Variants in ADGRL3 observed in about 807,000 individuals in gnomAD.
ADGRL3 encodes calcium-independent alpha-latrotoxin receptor 3.
Under a neutral mutation model 153.5 loss-of-function variants are expected in ADGRL3, and 62 were observed. The observed-to-expected ratio is 0.40, with a 90% CI of 0.33 to 0.50. ADGRL3 has a LOEUF of 0.50. Ranked by LOEUF, ADGRL3 falls within the 20% of genes least tolerant of loss-of-function variation. The pLI, the probability that ADGRL3 is intolerant of heterozygous loss-of-function variation, is 0.47. For synonymous variants in ADGRL3, 710 were observed against 672.5 expected, an observed-to-expected ratio of 1.06 and a Z score of -0.86; for missense variants, 1,641 against 1,859.4, an observed-to-expected ratio of 0.88 and a Z score of 2.16.
chr4:61,842,199 T>C (rs955199418), intron 9 of ADGRL3, among the ~76,000 whole-genome samples: 15 of 152,236 alleles, frequency 9.9e-5, no homozygotes, highest in African/African-American at 3.4e-4. Context: ...TAGGTCAAAA[T>C]ATTATACACA....
chr4:61,448,019 C>A (rs1005577166), intron 2 of ADGRL3, among the ~76,000 whole-genome samples: 23 of 152,108 alleles, frequency 1.5e-4, no homozygotes, highest in Non-Finnish European at 2.9e-4. Context: ...ACATGTCCTG[C>A]CTAGAGCAGT....
chr4:61,455,561 A>G (rs1210628615), intron 2 of ADGRL3, among the ~76,000 whole-genome samples: 1 of 152,140 alleles, frequency 6.6e-6, no homozygotes, highest in Non-Finnish European at 1.5e-5. Context: ...TTCTGCTGGG[A>G]AGAAGTAGGC....
At chr4:62,030,537 A>C (rs1164937626) in intron 22 of ADGRL3, among the ~76,000 whole-genome samples, 1 of 151,580 alleles carries the variant, frequency 6.6e-6, no homozygotes, top group Admixed American at 6.6e-5. Context: ...ACTTAACCAC[A>C]AATATATGAA....
chr4:61,596,699 A>C (rs1262514926), intron 5 of ADGRL3, among the ~76,000 whole-genome samples: 1 of 152,102 alleles, frequency 6.6e-6, no homozygotes, highest in African/African-American at 2.4e-5. Context: ...CCAAAAATTA[A>C]ATTAAATAAG....
chr4:61,497,255 G>A lies in ADGRL3; in HGVS notation c.-39G>A, dbSNP rs750077514. 7.5e-5 allele frequency: 99 copies of A among 1,311,972 alleles called. No individual in the cohort carries two copies. In the South Asian group the frequency reaches 1.2e-3, roughly 16 times the overall value. 81.3% of individuals were successfully genotyped at this position (1,311,972 alleles called of 1,614,324 possible). The stretch of plus-strand genomic sequence containing the variant: ...ACGTATTTTGTTTCACATTTGAACA[G>A]TCATTCTTGAGGAATACTCCATACC... On this transcript the variant is annotated 5_prime_UTR_variant, in exon 3 of 27. Coordinates refer to ENST00000683033, the MANE Select transcript of ADGRL3 (RefSeq NM_001387552.1).
intron 2 of ADGRL3, among the ~76,000 whole-genome samples, chr4:61,389,852 A>G (rs981281567): frequency 1.1e-4 from 17 of 152,314 alleles, no homozygotes; most frequent in Non-Finnish European, 1.6e-4. Context: ...CTACATAAAG[A>G]TAAGTCTGGC....
rs185048826 is a variant in ADGRL3 at position 61,302,969 on chromosome 4, A to G, written c.-239-80155A>G. 4.2e-3 allele frequency among the ~76,000 whole-genome samples: 639 copies of G among 152,262 alleles called. 3 individuals carry two copies. Among genetic ancestry groups the G allele is most frequent in the African/African-American group, 0.015 (606 of 41,552 alleles). ...CTTCACCTCATCGGGCTTGGCTTCA[A>G]ATATATTAGGACTTTCCAAAAAAAT... On this transcript the variant is annotated intron_variant, in intron 1 of 26. Transcript: ENST00000683033.
intron 9 of ADGRL3, among the ~76,000 whole-genome samples, chr4:61,820,409 A>G (rs532362662): frequency 1.7e-4 from 26 of 152,176 alleles, no homozygotes; most frequent in Non-Finnish European, 3.5e-4. Context: ...ACAATACATT[A>G]CAAGGTAATT....
intron 6 of ADGRL3, among the ~76,000 whole-genome samples, chr4:61,726,071 C>A (rs2096330603): frequency 6.6e-6 from 1 of 152,030 alleles, no homozygotes; most frequent in Non-Finnish European, 1.5e-5. Flanking sequence ...TTCTTGGGAT[C>A]AGAAATGTTT....
intron 2 of ADGRL3, among the ~76,000 whole-genome samples, chr4:61,404,967 C>G (rs761233379): frequency 6.6e-6 from 1 of 151,936 alleles, no homozygotes; most frequent in South Asian, 2.1e-4. Flanking sequence ...TACATATAAA[C>G]AGGTGAGATA....
In ADGRL3 at chr4:61,200,501, G is replaced by GCGCCGCCGCCGCCGCCGCCGCCGCCGC. The variant is rs35918477; in HGVS notation, c.-1480_-1479insCGCCGCCGCCGCCGCCGCCGCCGCCGC. Among the ~76,000 whole-genome samples, 1 of 150,318 alleles carries GCGCCGCCGCCGCCGCCGCCGCCGCCGC rather than the reference G, an allele frequency of 6.7e-6. No homozygotes were observed. The highest frequency in any genetic ancestry group is 2.5e-5 in the African/African-American group (1 of 40,810). ...CAGATGCTGCAGCTGGTCGGGGTGG[G>GCGCCGCCGCCGCCGCCGCCGCCGCCGC]CGCCGCCGCCGCCGCCGCCGCCGCT... On this transcript the variant is annotated 5_prime_UTR_variant, in exon 1 of 27. Transcript: ENST00000683033.
At chr4:61,543,171 T>C (rs1044141734) in intron 4 of ADGRL3, among the ~76,000 whole-genome samples, 1 of 125,640 alleles carries the variant, frequency 8.0e-6, no homozygotes, top group African/African-American at 3.0e-5. Context: ...CCCAGAAATA[T>C]CCACATTTGA....
At chr4:62,046,062 C>G (rs142479999) in intron 25 of ADGRL3, among the ~76,000 whole-genome samples, 1 of 151,824 alleles carries the variant, frequency 6.6e-6, no homozygotes, top group Admixed American at 6.6e-5. Flanking sequence ...AATTTGCTTA[C>G]ATATGACTGA....
At chr4:61,954,107 G>A (rs2098957435) in intron 17 of ADGRL3, among the ~76,000 whole-genome samples, 1 of 152,074 alleles carries the variant, frequency 6.6e-6, no homozygotes, top group African/African-American at 2.4e-5. Context: ...GATTGCACCA[G>A]TGGCTTGATA....
At chr4:61,778,172 G>C (rs1471972915) in intron 8 of ADGRL3, among the ~76,000 whole-genome samples, 3 of 152,172 alleles carry the variant, frequency 2.0e-5, no homozygotes, top group African/African-American at 7.2e-5. Flanking sequence ...GTGTGTATAA[G>C]ATACTGATGA....
intron 8 of ADGRL3, among the ~76,000 whole-genome samples, chr4:61,807,284 G>C (rs942369893): frequency 6.6e-6 from 1 of 151,324 alleles, no homozygotes; most frequent in Non-Finnish European, 1.5e-5. Context: ...TTGTGTTGAG[G>C]TGTTATTTTG....
intron 1 of ADGRL3, among the ~76,000 whole-genome samples, chr4:61,328,033 A>AT (rs199738204): frequency 7.9e-5 from 12 of 151,462 alleles, no homozygotes; most frequent in East Asian, 3.9e-4. Flanking sequence ...TTAGAGGAGG[A>AT]TTTTTTTTTC....
At chr4:61,965,464 T>C (rs182884713) in intron 17 of ADGRL3, among the ~76,000 whole-genome samples, 2 of 152,142 alleles carry the variant, frequency 1.3e-5, no homozygotes, top group East Asian at 3.9e-4. Context: ...TTAAAAGCAT[T>C]TGAGGCCGGG....
intron 9 of ADGRL3, among the ~76,000 whole-genome samples, chr4:61,868,255 G>A (rs2098415311): frequency 6.6e-6 from 1 of 152,058 alleles, no homozygotes; most frequent in Non-Finnish European, 1.5e-5. Context: ...AGTTTCTGTA[G>A]ATTTTTTTTT....
Sources: allele counts gnomAD v4.1 joint callset (sites outside exome capture counted in the v4.1 genomes callset), GRCh38; gene constraint gnomAD v4.1.1; transcripts MANE v1.5; gene names NCBI Gene and HGNC (gene_info 2026-07-23, HGNC 2026-07-21).